Variants in KAZN observed in about 807,000 individuals in gnomAD.
KAZN encodes kazrin.
KAZN carries 40 observed loss-of-function variants against 87.4 expected under a neutral mutation model. The ratio of observed to expected loss-of-function variants is 0.46; its 90% CI spans 0.36 to 0.60. KAZN has a LOEUF of 0.60. Ranked by LOEUF, KAZN falls within the 20% of genes least tolerant of loss-of-function variation. The probability of loss-of-function intolerance (pLI) is 0.00; values close to 1 mark genes in which losing one functional copy is unlikely to be tolerated. For synonymous variants in KAZN, 466 were observed against 458.3 expected, an observed-to-expected ratio of 1.02 and a Z score of -0.22; for missense variants, 898 against 1,073.9, an observed-to-expected ratio of 0.84 and a Z score of 2.29.
intron 2 of KAZN, among the ~76,000 whole-genome samples, chr1:15,027,098 T>TTTTC (rs1671247024): frequency 7.5e-6 from 1 of 133,502 alleles, no homozygotes; most frequent in Non-Finnish European, 1.6e-5. Context: ...TTTTTTTTTT[T>TTTTC]TGAGACAGAG....
At chr1:14,260,959 G>A (rs948167987) in intron 2 of KAZN, among the ~76,000 whole-genome samples, 10 of 152,170 alleles carry the variant, frequency 6.6e-5, no homozygotes, top group South Asian at 2.1e-4. Flanking sequence ...TTGCTAACAC[G>A]ACAATGATAC....
intron 1 of KAZN, among the ~76,000 whole-genome samples, chr1:14,703,921 G>T (rs927101179): frequency 2.0e-5 from 3 of 152,202 alleles, no homozygotes; most frequent in African/African-American, 7.2e-5. Context: ...AGATTGACCA[G>T]TCCTTCAGAG....
chr1:14,781,682 C>A (rs1173876679), intron 1 of KAZN, among the ~76,000 whole-genome samples: 1 of 152,060 alleles, frequency 6.6e-6, no homozygotes, highest in African/African-American at 2.4e-5. Context: ...CTTTAAAACC[C>A]ATCAAGAGGC....
At chr1:15,063,450 GGCAGGGTGGCCC>G in intron 6 of KAZN, 110 bp from the exon 7 acceptor site, 1 of 812,512 alleles carries the variant, frequency 1.2e-6, no homozygotes, top group South Asian at 1.4e-5. Flanking sequence ...CCACTGCAGA[GGCAGGGTGGCCC>G]CTGAGAGATG....
rs183761669 is a variant in KAZN at position 14,454,025 on chromosome 1, T to C, written c.250-144958T>C. The stretch of plus-strand genomic sequence containing the variant: ...GGACAATATTATAGTGAGGTTCTGG[T>C]ATATTTCACAGGCAATGAGCCTTTT... On this transcript the variant is annotated intron_variant, in intron 2 of 16. Transcript: ENST00000636203. Among the ~76,000 whole-genome samples, 833 of 152,308 alleles carry C rather than the reference T, an allele frequency of 5.5e-3. 9 individuals are homozygous for C. The highest frequency in any genetic ancestry group is 0.019 in the African/African-American group (786 of 41,566).
At chr1:14,666,110 A>T (rs1477834368) in intron 1 of KAZN, among the ~76,000 whole-genome samples, 2 of 151,710 alleles carry the variant, frequency 1.3e-5, no homozygotes, top group Non-Finnish European at 2.9e-5. Flanking sequence ...AATGACGGAG[A>T]GGGTCTGCCG....
intron 1 of KAZN, among the ~76,000 whole-genome samples, chr1:14,641,130 T>A (rs548141685): frequency 8.5e-5 from 13 of 152,310 alleles, no homozygotes; most frequent in African/African-American, 2.9e-4. Flanking sequence ...TTGGTCAGGC[T>A]GGGTCATGGA....
chr1:14,690,178 T>A (rs552376177), intron 1 of KAZN, among the ~76,000 whole-genome samples: 1 of 152,302 alleles, frequency 6.6e-6, no homozygotes, highest in South Asian at 2.1e-4. Context: ...GCCGCGGCAG[T>A]GCTCATCATG....
chr1:14,972,516 C>CTT (rs35547504), intron 2 of KAZN, among the ~76,000 whole-genome samples: 3 of 140,874 alleles, frequency 2.1e-5, no homozygotes, highest in African/African-American at 5.2e-5. Context: ...AGACTGGGAA[C>CTT]TTTTTTTTTT....
chr1:14,842,483 T>C (rs918333725), intron 1 of KAZN, among the ~76,000 whole-genome samples: 1 of 152,202 alleles, frequency 6.6e-6, no homozygotes, highest in Non-Finnish European at 1.5e-5. Flanking sequence ...GCAGGGGCAT[T>C]CTCTCCTGTT....
rs1676789370 is a variant in KAZN, at chr1:14,599,617, G to T, written c.226+394G>T. Reference sequence around the variant, plus strand: ...GGCACAGTTCCCCCCACTTCCTTAGGCTCCTTCCCAGAGAGAGCTCCGGGC... The same window carrying T: ...GGCACAGTTCCCCCCACTTCCTTAGTCTCCTTCCCAGAGAGAGCTCCGGGC... On this transcript the variant is annotated intron_variant, in intron 1 of 14. Transcript: ENST00000376030. This position sits in a 1 kb window ranked among gnomAD's most constrained non-coding sequence, Gnocchi z 4.4. Among the ~76,000 whole-genome samples the T allele has an allele frequency of 6.6e-6, 1 of 152,190 alleles. No homozygotes were observed. Among genetic ancestry groups the T allele is most frequent in the Non-Finnish European group, 1.5e-5 (1 of 68,034 alleles).
intron 2 of KAZN, among the ~76,000 whole-genome samples, chr1:14,568,898 G>T (rs1233805809): frequency 6.6e-6 from 1 of 152,198 alleles, no homozygotes; most frequent in East Asian, 1.9e-4. Context: ...CACAAACACT[G>T]ATTGTGGACC....
At chr1:14,392,663 C>T (rs1428744585) in intron 2 of KAZN, among the ~76,000 whole-genome samples, 1 of 152,060 alleles carries the variant, frequency 6.6e-6, no homozygotes, top group African/African-American at 2.4e-5. Flanking sequence ...TGACCTTTAC[C>T]CACTAGATGC....
At chr1:14,951,094 A>G (rs1397126394) in intron 1 of KAZN, among the ~76,000 whole-genome samples, 1 of 152,220 alleles carries the variant, frequency 6.6e-6, no homozygotes, top group African/African-American at 2.4e-5. Flanking sequence ...ATCTCAACAC[A>G]TGTGAAAGGC....
intron 2 of KAZN, among the ~76,000 whole-genome samples, chr1:14,453,201 C>T (rs377449932): frequency 7.2e-5 from 11 of 152,126 alleles, no homozygotes; most frequent in South Asian, 2.1e-4. Context: ...GTGATCCGCC[C>T]GCCTCGGCCT....
chr1:14,796,556 GC>G (rs1248614015), intron 1 of KAZN, among the ~76,000 whole-genome samples: 2 of 152,218 alleles, frequency 1.3e-5, no homozygotes, highest in Admixed American at 1.3e-4. Context: ...GTCTGGAATC[GC>G]TGGAGAGCTC....
chr1:14,395,920 G>A (rs559414868), intron 2 of KAZN, among the ~76,000 whole-genome samples: 63 of 152,050 alleles, frequency 4.1e-4, no homozygotes, highest in Non-Finnish European at 5.1e-4. Context: ...TGTAATCCCA[G>A]CACTTTGGGA....
intron 2 of KAZN, among the ~76,000 whole-genome samples, chr1:14,539,493 T>TG (rs1557785891): frequency 6.6e-6 from 1 of 152,168 alleles, no homozygotes; most frequent in East Asian, 1.9e-4. Context: ...ATACTAACAT[T>TG]GGGGGAGACT....
At chr1:14,066,719 A>G (rs1643023056) in intron 1 of KAZN, among the ~76,000 whole-genome samples, 1 of 152,190 alleles carries the variant, frequency 6.6e-6, no homozygotes, top group Non-Finnish European at 1.5e-5. Context: ...ATCACTACAT[A>G]GGAGCTTTAT....
Sources: gnomAD v4.1 joint callset for allele counts (sites outside exome capture counted in the v4.1 genomes callset) on GRCh38, gnomAD v4.1.1 for gene constraint, Gnocchi (gnomAD v3.1) non-coding constraint, MANE v1.5 for transcripts, NCBI Gene and HGNC (gene_info 2026-07-23, HGNC 2026-07-21) for gene names.